ROBO2: variants seen among roughly 807,000 people sequenced by gnomAD.
ROBO2 encodes roundabout homolog 2.
ROBO2 carries 53 observed loss-of-function variants against 160.8 expected under a neutral mutation model. The observed-to-expected ratio is 0.33, with a 90% CI of 0.26 to 0.41. The LOEUF (loss-of-function observed/expected upper bound fraction) is 0.41, where lower values mean the gene tolerates loss of function less well. ROBO2 is among the 10% of genes least tolerant of loss of function. The pLI is 1.00. For synonymous variants in ROBO2, 664 were observed against 611.7 expected (o/e 1.09, Z -1.26); for missense variants, 1,577 against 1,722.4 (o/e 0.92, Z 1.49).
chr3:76,869,966 C>T (rs1043419201), intron 2 of ROBO2, among the ~76,000 whole-genome samples: 16 of 152,062 alleles, frequency 1.1e-4, no homozygotes, highest in African/African-American at 3.9e-4. Flanking sequence ...GACTTCCTCC[C>T]AATTAAAGTA....
chr3:76,683,561 G>T (rs564090033), intron 2 of ROBO2, among the ~76,000 whole-genome samples: 2 of 150,356 alleles, frequency 1.3e-5, no homozygotes, highest in African/African-American at 4.9e-5. Context: ...ATTACCTTGT[G>T]GTTCTCCAGT....
chr3:76,029,739 C>A (rs2066858631), intron 2 of ROBO2, among the ~76,000 whole-genome samples: 2 of 152,120 alleles, frequency 1.3e-5, no homozygotes, highest in African/African-American at 2.4e-5. Flanking sequence ...TGTATATGTG[C>A]CACATTTTGT....
At chr3:76,047,399 T>C (rs190622618) in intron 2 of ROBO2, among the ~76,000 whole-genome samples, 1 of 152,332 alleles carries the variant, frequency 6.6e-6, no homozygotes, top group African/African-American at 2.4e-5. Context: ...CATTTCTCTC[T>C]GTCTGTCTTG....
chr3:76,715,897 A>G (rs2093371488), intron 2 of ROBO2, among the ~76,000 whole-genome samples: 1 of 152,150 alleles, frequency 6.6e-6, no homozygotes, highest in Non-Finnish European at 1.5e-5. Context: ...AACAAAGGGG[A>G]CACATATATT....
intron 2 of ROBO2, among the ~76,000 whole-genome samples, chr3:76,924,835 T>A (rs2076877618): frequency 6.6e-6 from 1 of 152,242 alleles, no homozygotes; most frequent in African/African-American, 2.4e-5. Flanking sequence ...TGTGAAATGA[T>A]AACTCATATT....
chr3:76,261,838 G>C (rs375679859), intron 2 of ROBO2, among the ~76,000 whole-genome samples: 2 of 151,986 alleles, frequency 1.3e-5, no homozygotes, highest in Non-Finnish European at 2.9e-5. Context: ...ATAGTAGGTA[G>C]TACTTGAGAA....
chr3:76,681,683 T>A (rs191932283), intron 2 of ROBO2, among the ~76,000 whole-genome samples: 53 of 151,550 alleles, frequency 3.5e-4, no homozygotes, highest in Non-Finnish European at 7.2e-4. Context: ...GACAAGAGAG[T>A]ATGGAGATTT....
At chr3:76,295,240 C>T (rs1325819855) in intron 2 of ROBO2, among the ~76,000 whole-genome samples, 2 of 151,960 alleles carry the variant, frequency 1.3e-5, no homozygotes, top group Non-Finnish European at 2.9e-5. Flanking sequence ...TGTATTTCAA[C>T]CTGTGGGTGG....
intron 2 of ROBO2, among the ~76,000 whole-genome samples, chr3:76,579,751 C>T (rs1156922011): frequency 7.0e-6 from 1 of 142,284 alleles, no homozygotes; most frequent in Admixed American, 7.3e-5. Context: ...GTTTTTATTG[C>T]TCCTTTCAAA....
At chr3:77,008,547 G>A (rs73841800) in intron 2 of ROBO2, among the ~76,000 whole-genome samples, 3 of 152,136 alleles carry the variant, frequency 2.0e-5, no homozygotes, top group Non-Finnish European at 4.4e-5. Context: ...CTTTGTGGGT[G>A]GGGAATAGTA....
chr3:76,031,627 G>T (rs2066922677), intron 2 of ROBO2, among the ~76,000 whole-genome samples: 1 of 152,048 alleles, frequency 6.6e-6, no homozygotes, highest in Non-Finnish European at 1.5e-5. Context: ...TAATCGTGTG[G>T]TTTTTGTCTT....
At chr3:77,274,727 A>G (rs1009357472) in intron 2 of ROBO2, among the ~76,000 whole-genome samples, 3 of 152,234 alleles carry the variant, frequency 2.0e-5, no homozygotes, top group Middle Eastern at 3.4e-3. Context: ...ATACTTTGTA[A>G]TAGGTACTTT....
chr3:77,333,214 G>C (rs1173404488), intron 2 of ROBO2, among the ~76,000 whole-genome samples: 4 of 152,184 alleles, frequency 2.6e-5, no homozygotes, highest in African/African-American at 9.7e-5. Context: ...TAACCATGAA[G>C]AGGTTATAGC....
At position 76,408,549 on chromosome 3, in the gene ROBO2, C is replaced by A. The variant is rs568376937; in HGVS notation, c.109+470947C>A. Among the ~76,000 whole-genome samples the A allele has an allele frequency of 1.5e-3, 227 of 152,150 alleles. 2 individuals carry two copies. The highest frequency in any genetic ancestry group is 6.8e-3 in the Middle Eastern group (2 of 294). On this transcript the variant is annotated intron_variant, in intron 2 of 26. Transcript: ENST00000487694. The stretch of plus-strand genomic sequence containing the variant: ...AAAAATATACTTAAGCAAATCTATT[C>A]ATTTCAGTAAGAGAAAGAAATTAGA...
chr3:76,495,076 CAG>C (rs1018458166), intron 2 of ROBO2, among the ~76,000 whole-genome samples: 10 of 152,134 alleles, frequency 6.6e-5, no homozygotes, highest in Non-Finnish European at 5.9e-5. Flanking sequence ...TTTTAAAAAA[CAG>C]GGAAAGTACC....
chr3:76,150,347 A>G, intron 2 of ROBO2, among the ~76,000 whole-genome samples: 1 of 138,574 alleles, frequency 7.2e-6, no homozygotes, highest in Non-Finnish European at 1.6e-5. Context: ...TGTCTAAAGC[A>G]CACATCTGTC....
intron 2 of ROBO2, among the ~76,000 whole-genome samples, chr3:77,337,861 A>G (rs1456894212): frequency 6.6e-6 from 1 of 152,136 alleles, no homozygotes; most frequent in East Asian, 1.9e-4. Context: ...CAGTAAAATC[A>G]TTTTATTAGT....
intron 2 of ROBO2, among the ~76,000 whole-genome samples, chr3:77,229,126 C>G (rs752487793): frequency 6.6e-6 from 1 of 152,092 alleles, no homozygotes; most frequent in Admixed American, 6.6e-5. Flanking sequence ...TCACAAATGA[C>G]AGCTACTGAT....
intron 2 of ROBO2, among the ~76,000 whole-genome samples, chr3:77,263,448 C>A (rs1418129827): frequency 6.6e-5 from 10 of 152,152 alleles, no homozygotes; most frequent in Non-Finnish European, 1.2e-4. Flanking sequence ...TTCTTCCCCT[C>A]CATGTGTCCA....
Sources: allele counts gnomAD v4.1 joint callset (sites outside exome capture counted in the v4.1 genomes callset), GRCh38; gene constraint gnomAD v4.1.1; transcripts MANE v1.5; gene names NCBI Gene and HGNC (gene_info 2026-07-23, HGNC 2026-07-21).